The following XYLT2 variants were observed in gnomAD, a reference collection of about 807,000 sequenced individuals.
XYLT2 encodes xylosyltransferase 2.
In XYLT2, 37 loss-of-function variants were observed where a neutral mutation model predicts 82.6. That is an observed-to-expected ratio of 0.45 (90% CI 0.34 to 0.59). XYLT2 has a LOEUF of 0.59. Among genes scored for constraint, XYLT2 ranks in the 20% least tolerant of loss-of-function variants. The probability of loss-of-function intolerance (pLI) is 0.01; values close to 1 mark genes in which losing one functional copy is unlikely to be tolerated. For missense variants in XYLT2, 934 were observed against 1,181.3 expected (o/e 0.79, Z 3.07); for synonymous variants, 474 against 499.0 (o/e 0.95, Z 0.67).
At position 50,360,431 on chromosome 17, in the gene XYLT2, G is replaced by A; in HGVS notation, c.*140G>A. 7.0e-7 allele frequency: 1 copy of A among 1,429,610 alleles called. No homozygotes were observed. The highest frequency in any genetic ancestry group is 9.1e-7 in the Non-Finnish European group (1 of 1,095,566). 88.6% of individuals were successfully genotyped at this position (1,429,610 alleles called of 1,614,324 possible). A position where few individuals can be genotyped will look rare whatever the true frequency, so the allele number is the denominator to read the frequency against. On this transcript the variant is annotated 3_prime_UTR_variant, in exon 11 of 11. Coordinates refer to ENST00000017003, the MANE Select transcript of XYLT2 (RefSeq NM_022167.4). Reference sequence around the variant, plus strand: ...CCATCAAGAACCCACACAGACGGCAGGGAAGGTGGACACAGTATGAACTAC... The same window carrying A: ...CCATCAAGAACCCACACAGACGGCAAGGAAGGTGGACACAGTATGAACTAC...
At position 50,360,103 on chromosome 17, in the gene XYLT2, A is replaced by T. The variant is rs558595729; in HGVS notation, c.2410A>T (p.Thr804Ser). 2 of 1,613,806 alleles carry T rather than the reference A, an allele frequency of 1.2e-6. No individual in the cohort carries two copies. The highest frequency in any genetic ancestry group is 2.2e-5 in the South Asian group (2 of 91,080). ...GGCTGCCCAGCGGCACACACAGCTC[A>T]CAGGCCCTGCGCTCGAGGCCTGGAC... Reference protein sequence around the residue: ...EEAAQRHTQLTGPALEAWTDR... With the variant: ...EEAAQRHTQLSGPALEAWTDR... The change falls in exon 11 of 11, where the codon ACA (threonine) becomes TCA (serine). Residue 804 changes from threonine to serine, a missense_variant. Thr to Ser is a moderately conservative substitution (Grantham distance 58). This residue lies in a region of XYLT2 where 374 missense variants were observed against 465.6 expected (regional missense o/e 0.80). Coordinates refer to ENST00000017003, the MANE Select transcript of XYLT2 (RefSeq NM_022167.4).
rs1354868151 is a variant in XYLT2, at chr17:50,354,874, G to A, written c.825G>A (p.Arg275=). Reference sequence around the variant, plus strand: ...ACCAGCGTTCCGACTACCTGCACCGGGAGGTGGTGGAGCTGGCCCAGGGCT... The same window carrying A: ...ACCAGCGTTCCGACTACCTGCACCGAGAGGTGGTGGAGCTGGCCCAGGGCT... ...HVDKRSDYLH[R]EVVELAQGYD... is the part of the protein sequence containing the mutation. Residue 275 remains arginine (R), a synonymous_variant, in exon 4 of 11, where the codon CGG becomes CGA. Transcript: ENST00000017003. 6.2e-7 allele frequency: 1 copy of A among 1,613,392 alleles called. No homozygotes were observed. The highest frequency in any genetic ancestry group is 1.1e-5 in the South Asian group (1 of 91,008).
chr17:50,357,376 G>T, intron 9 of XYLT2, 124 bp downstream of exon 9: 1 of 989,562 alleles, frequency 1.0e-6, no homozygotes. Flanking sequence ...CCATGGTGAT[G>T]CCCCCATGCA....
At chr17:50,351,958 G>C (rs941757023) in intron 1 of XYLT2, among the ~76,000 whole-genome samples, 1 of 152,138 alleles carries the variant, frequency 6.6e-6, no homozygotes, top group Non-Finnish European at 1.5e-5. Context: ...GATGTGCCCT[G>C]GGAAACAAGG....
At chr17:50,359,922 G>T (rs755220322) in intron 10 of XYLT2, 47 bp from the exon 11 acceptor site, 23 of 1,491,010 alleles carry the variant, frequency 1.5e-5, no homozygotes, top group Non-Finnish European at 1.9e-5. Flanking sequence ...TGGCCTCCAC[G>T]GAGTCTGTTG....
intron 10 of XYLT2, 144 bp from the exon 11 acceptor site, chr17:50,359,825 T>C (rs1598353773): frequency 2.8e-6 from 2 of 722,950 alleles, no homozygotes; most frequent in Non-Finnish European, 4.5e-6. Context: ...GAAAGTCCCT[T>C]GGATTAGCCC....
intron 3 of XYLT2, 80 bp from the exon 4 acceptor site, chr17:50,354,774 G>A: frequency 6.3e-7 from 1 of 1,588,756 alleles, no homozygotes; most frequent in Admixed American, 1.7e-5. Context: ...TCCTCGTCTT[G>A]TGTCCCTTCA....
rs186425233 is a variant in XYLT2 at position 50,354,847 on chromosome 17, C to G, written c.805-7C>G. The G allele has an allele frequency of 1.9e-4, 306 of 1,613,084 alleles. 4 individuals carry two copies. In the East Asian group the frequency reaches 6.4e-3, roughly 34 times the overall value. On this transcript the variant is annotated splice_region_variant and splice_polypyrimidine_tract_variant and intron_variant, in intron 3 of 10. Coordinates refer to ENST00000017003, the MANE Select transcript of XYLT2 (RefSeq NM_022167.4). The stretch of plus-strand genomic sequence containing the variant: ...TGGAGGCTAGCTGAGTGTCTCCTCC[C>G]CACCAGCGTTCCGACTACCTGCACC...
chr17:50,347,473 G>A (rs898506333), intron 1 of XYLT2, among the ~76,000 whole-genome samples: 1 of 152,178 alleles, frequency 6.6e-6, no homozygotes, highest in Non-Finnish European at 1.5e-5. Flanking sequence ...GGGCGGGGGT[G>A]GGGCTGGCTC....
rs1332399976 is a variant in XYLT2, at chr17:50,353,920, A to T, written c.426A>T (p.Gly142=). Residue 142 remains glycine, a synonymous_variant, in exon 2 of 11, where the codon GGA becomes GGT. Transcript: ENST00000017003. ...GGGCAGCTGGCTTCCCACCACACGG[A>T]GATACAGGGAGCGTGGAGGGCGCCC... ...LVGAAGFPPH[G]DTGSVEGAPQ... The T allele has an allele frequency of 6.2e-7, 1 of 1,608,192 alleles. No homozygotes were observed. Among genetic ancestry groups the T allele is most frequent in the Non-Finnish European group, 8.5e-7 (1 of 1,179,802 alleles).
In XYLT2 at chr17:50,346,419, A is replaced by G. The variant is rs1303756581; in HGVS notation, c.135+144A>G. ...CGCCGGCGGTCGCCCAGAGCGGAGC[A>G]TCCGGCCCCCGGCACTCCCTTCCCC... On this transcript the variant is annotated intron_variant, in intron 1 of 10. Transcript: ENST00000017003. The surrounding 1 kb of genome is among the most constrained non-coding windows in gnomAD (Gnocchi z 5.1). 1 of 941,828 alleles carries G rather than the reference A, an allele frequency of 1.1e-6. No homozygotes were observed. The highest frequency in any genetic ancestry group is 1.3e-6 in the Non-Finnish European group (1 of 789,688). The allele number at this position is 941,828 out of a possible 1,614,324, so 58.3% of individuals were successfully genotyped here.
intron 10 of XYLT2, among the ~76,000 whole-genome samples, chr17:50,358,785 T>C (rs1380267169): frequency 1.3e-5 from 2 of 152,236 alleles, no homozygotes; most frequent in Non-Finnish European, 2.9e-5. Context: ...GTTCATTGGC[T>C]TTTTGTCCTT....
Position 50,353,929 on chromosome 17 carries a change from G to A in XYLT2, c.435G>A (p.Gly145=). ...GCTTCCCACCACACGGAGATACAGGGAGCGTGGAGGGCGCCCCCCAGCCCA... is the reference window on the plus strand; with the variant it reads ...GCTTCCCACCACACGGAGATACAGGAAGCGTGGAGGGCGCCCCCCAGCCCA... The part of the protein sequence containing the change: ...AAGFPPHGDT[G]SVEGAPQPTD... Residue 145 remains glycine (G), a synonymous_variant, in exon 2 of 11, where the codon GGG becomes GGA. Transcript: ENST00000017003. The A allele has an allele frequency of 1.2e-6, 2 of 1,607,998 alleles. No homozygotes were observed. Among genetic ancestry groups the A allele is most frequent in the Non-Finnish European group, 1.7e-6 (2 of 1,179,828 alleles).
intron 9 of XYLT2, chr17:50,357,534 G>A: frequency 1.0e-5 from 4 of 383,482 alleles, no homozygotes; most frequent in Admixed American, 4.4e-5. Context: ...TTCGCCTAGA[G>A]GGGCAGGGAC....
In XYLT2 at chr17:50,346,134, C is replaced by G. The variant is rs1236660505; in HGVS notation, c.-7C>G. On this transcript the variant is annotated 5_prime_UTR_variant, in exon 1 of 11. Transcript: ENST00000017003. This position sits in a 1 kb window ranked among gnomAD's most constrained non-coding sequence, Gnocchi z 5.1. Reference sequence around the variant, plus strand: ...CTGGGCGCGCGCCCCGCGTCCCGGGCAGGAAGATGGTGGCGAGCGCGCGAG... The same window carrying G: ...CTGGGCGCGCGCCCCGCGTCCCGGGGAGGAAGATGGTGGCGAGCGCGCGAG... The G allele has an allele frequency of 8.1e-7, 1 of 1,235,580 alleles. No individual in the cohort carries two copies. The highest frequency in any genetic ancestry group is 1.6e-5 in the African/African-American group (1 of 61,994). The allele number at this position is 1,235,580 out of a possible 1,614,324, so 76.5% of individuals were successfully genotyped here.
intron 9 of XYLT2, chr17:50,357,890 G>A: frequency 3.0e-6 from 1 of 335,936 alleles, no homozygotes; most frequent in African/African-American, 2.1e-5. Flanking sequence ...CCTCCTCATA[G>A]TCTCTTTCTC....
Position 50,346,147 on chromosome 17 carries a change from G to A in XYLT2, c.7G>A (p.Ala3Thr). 2 of 1,258,912 alleles carry A rather than the reference G, an allele frequency of 1.6e-6. No homozygotes were observed. The highest frequency in any genetic ancestry group is 4.7e-5 in the East Asian group (1 of 21,116). The allele number at this position is 1,258,912 out of a possible 1,614,324, so 78.0% of individuals were successfully genotyped here. The change falls in exon 1 of 11, where the codon GCG becomes ACG. Residue 3 changes from alanine to threonine, a missense_variant. Ala to Thr is a moderately conservative substitution (Grantham distance 58). Around this residue, in one of 3 missense-constraint regions of XYLT2, gnomAD observed 371 missense variants for 394.9 expected, o/e 0.94. Transcript: ENST00000017003. This position sits in a 1 kb window ranked among gnomAD's most constrained non-coding sequence, Gnocchi z 5.1. MVASARVQKLVRR... is the reference protein window; with the variant it reads MVTSARVQKLVRR... ...CCGCGTCCCGGGCAGGAAGATGGTG[G>A]CGAGCGCGCGAGTGCAGAAGCTGGT...
chr17:50,354,857 T>G lies in XYLT2; in HGVS notation c.808T>G (p.Ser270Ala). 6.2e-7 allele frequency: 1 copy of G among 1,613,414 alleles called. No individual in the cohort carries two copies. ...HFFYIHVDKR[S>A]DYLHREVVEL... ...CTGAGTGTCTCCTCCCCACCAGCGT[T>G]CCGACTACCTGCACCGGGAGGTGGT... Residue 270 changes from serine to alanine, a missense_variant, in exon 4 of 11, where the codon TCC becomes GCC. Ser to Ala is a moderately conservative substitution (Grantham distance 99). This residue lies in a region of XYLT2 where 371 missense variants were observed against 394.9 expected (regional missense o/e 0.94). Coordinates refer to ENST00000017003, the MANE Select transcript of XYLT2 (RefSeq NM_022167.4).
At chr17:50,358,742 A>ATG (rs1912667077) in intron 10 of XYLT2, among the ~76,000 whole-genome samples, 2 of 152,222 alleles carry the variant, frequency 1.3e-5, no homozygotes, top group Admixed American at 6.5e-5. Context: ...CTTTACAGTC[A>ATG]TGCACACTTG....
Sources: allele counts gnomAD v4.1 joint callset (sites outside exome capture counted in the v4.1 genomes callset), GRCh38; gene constraint gnomAD v4.1.1; regional missense constraint gnomAD v4.1.1; non-coding constraint Gnocchi (gnomAD v3.1); transcripts MANE v1.5; gene names NCBI Gene and HGNC (gene_info 2026-07-23, HGNC 2026-07-21).